EZR: variants seen among roughly 807,000 people sequenced by gnomAD.
The protein encoded by EZR is cytovillin 2.
A neutral mutation model predicts 74.8 loss-of-function variants in EZR; 40 were observed. The ratio of observed to expected loss-of-function variants is 0.53; its 90% CI spans 0.42 to 0.70. The LOEUF (loss-of-function observed/expected upper bound fraction) is 0.70. EZR is among the 30% of genes least tolerant of loss of function. EZR has a pLI of 0.00. For synonymous variants in EZR, 341 were observed against 283.3 expected (o/e 1.20, Z -2.05); for missense variants, 678 against 755.8 (o/e 0.90, Z 1.21).
chr6:158,814,322 T>C (rs963072552), intron 2 of EZR, among the ~76,000 whole-genome samples: 2 of 152,116 alleles, frequency 1.3e-5, no homozygotes, highest in African/African-American at 2.4e-5. Context: ...AAGTGTTACT[T>C]CTCAATACAG....
intron 6 of EZR, among the ~76,000 whole-genome samples, chr6:158,784,390 CT>C (rs1791511204): frequency 6.6e-6 from 1 of 152,232 alleles, no homozygotes; most frequent in Non-Finnish European, 1.5e-5. Context: ...AGACACAACA[CT>C]TTCTACAAAG....
intron 10 of EZR, 21 bp downstream of exon 10, chr6:158,770,743 G>A (rs2128565984): frequency 6.2e-7 from 1 of 1,614,030 alleles, no homozygotes; most frequent in Non-Finnish European, 8.5e-7. Flanking sequence ...AGTGTAGAGT[G>A]CCAGCCCCAG....
chr6:158,770,762 A>C lies in EZR; in HGVS notation c.1090+2T>G, dbSNP rs1583555744. 1.2e-6 allele frequency: 2 copies of C among 1,613,674 alleles called. No individual in the cohort carries two copies. Among genetic ancestry groups the C allele is most frequent in the African/African-American group, 1.3e-5 (1 of 74,790 alleles). Reference sequence around the variant, plus strand: ...TAGAGTGCCAGCCCCAGGGCGCCTGACCTCTCTCTGCCTTCTTTGTCTTCT... The same window carrying C: ...TAGAGTGCCAGCCCCAGGGCGCCTGCCCTCTCTCTGCCTTCTTTGTCTTCT... On this transcript the variant is annotated splice_donor_variant, in intron 10 of 13. Coordinates refer to ENST00000367075, the MANE Select transcript of EZR (RefSeq NM_001111077.2). LOFTEE classifies it high-confidence loss of function.
At chr6:158,811,187 G>C (rs1777443471) in intron 2 of EZR, among the ~76,000 whole-genome samples, 1 of 152,180 alleles carries the variant, frequency 6.6e-6, no homozygotes, top group African/African-American at 2.4e-5. Context: ...GCAAACTTTG[G>C]TCTTTTCAAC....
At chr6:158,777,022 C>A (rs1037773719) in intron 7 of EZR, among the ~76,000 whole-genome samples, 1 of 152,210 alleles carries the variant, frequency 6.6e-6, no homozygotes, top group Non-Finnish European at 1.5e-5. Flanking sequence ...CCAAACTCCA[C>A]GGTTCAGACC....
intron 2 of EZR, among the ~76,000 whole-genome samples, chr6:158,801,451 CATCT>C (rs1167518850): frequency 1.3e-5 from 2 of 152,176 alleles, no homozygotes; most frequent in Non-Finnish European, 2.9e-5. Context: ...AAAGGCCAGC[CATCT>C]ATCTAAGCTC....
chr6:158,786,657 C>CA (rs5881287), intron 4 of EZR, among the ~76,000 whole-genome samples: 74,141 of 144,530 alleles, frequency 0.51, 19,277 homozygotes, highest in Non-Finnish European at 0.6. Flanking sequence ...GTGGGGGTTT[C>CA]AAAAAAAAAA....
chr6:158,810,166 T>A (rs141173719), intron 2 of EZR, among the ~76,000 whole-genome samples: 3,942 of 152,304 alleles, frequency 0.026, 65 homozygotes, highest in South Asian at 0.057. Context: ...TGGTGAGATA[T>A]TTTTTATTTT....
intron 8 of EZR, among the ~76,000 whole-genome samples, chr6:158,774,305 C>T (rs1583559158): frequency 6.6e-6 from 1 of 152,328 alleles, no homozygotes; most frequent in Admixed American, 6.5e-5. Flanking sequence ...GCTGCCTCCT[C>T]AGTGTGGCTC....
rs745345368 is a variant in EZR at position 158,818,139 on chromosome 6, C to T, written c.-46G>A. ...CCTCGATCCCCGAAAACACGACTAT[C>T]CAGCAGCAGCGAAGACGCTGTCCCA... On this transcript the variant is annotated 5_prime_UTR_variant, in exon 2 of 14. Transcript: ENST00000367075. 1 of 1,604,114 alleles carries T rather than the reference C, an allele frequency of 6.2e-7. No individual in the cohort carries two copies. Among genetic ancestry groups the T allele is most frequent in the Non-Finnish European group, 8.5e-7 (1 of 1,173,470 alleles).
At chr6:158,779,470 C>T (rs142670017) in intron 7 of EZR, among the ~76,000 whole-genome samples, 74 of 152,162 alleles carry the variant, frequency 4.9e-4, no homozygotes, top group African/African-American at 1.3e-3. Flanking sequence ...ATTTGGACTA[C>T]GGTTACATAA....
intron 2 of EZR, among the ~76,000 whole-genome samples, chr6:158,798,393 T>G (rs894721857): frequency 2.6e-5 from 4 of 152,252 alleles, no homozygotes; most frequent in African/African-American, 9.6e-5. Context: ...TTTACTGTTT[T>G]TAAGTTCTAA....
At chr6:158,811,185 T>G (rs984538851) in intron 2 of EZR, among the ~76,000 whole-genome samples, 1 of 152,240 alleles carries the variant, frequency 6.6e-6, no homozygotes, top group Non-Finnish European at 1.5e-5. Flanking sequence ...ATGCAAACTT[T>G]GGTCTTTTCA....
chr6:158,805,600 T>C (rs936574083), intron 2 of EZR, among the ~76,000 whole-genome samples: 1 of 152,144 alleles, frequency 6.6e-6, no homozygotes, highest in African/African-American at 2.4e-5. Flanking sequence ...TAGCTTCTTT[T>C]AAAAAATCCA....
Position 158,769,871 on chromosome 6 carries a change from G to A in EZR, c.1164C>T (p.Arg388=), listed in dbSNP as rs765300613. 8.1e-6 allele frequency: 13 copies of A among 1,613,762 alleles called. No homozygotes were observed. The highest frequency in any genetic ancestry group is 5.0e-5 in the Admixed American group (3 of 60,008). Residue 388 remains arginine, a synonymous_variant, in exon 11 of 14, where the codon CGC becomes CGT. Coordinates refer to ENST00000367075, the MANE Select transcript of EZR (RefSeq NM_001111077.2). ...GTGCAGCCATACGGTCAGCCTCTAG[G>A]CGCTCGGCCTCCTCCTGTGCCCGCT... ...ERKRAQEEAE[R]LEADRMAALR... is the part of the protein sequence containing the mutation.
At chr6:158,812,813 C>G (rs2128577271) in intron 2 of EZR, among the ~76,000 whole-genome samples, 1 of 152,142 alleles carries the variant, frequency 6.6e-6, no homozygotes, top group East Asian at 1.9e-4. Context: ...TTGCGCAAGC[C>G]AGAAACGAGA....
At position 158,814,389 on chromosome 6, in the gene EZR, G is replaced by GCATCACGCA. The variant is rs1278589733; in HGVS notation, c.12+3692_12+3693insTGCGTGATG. Among the ~76,000 whole-genome samples the GCATCACGCA allele has an allele frequency of 8.8e-5, 5 of 56,530 alleles. No individual in the cohort carries two copies. The South Asian group carries it at 1.3e-3, about 15-fold the overall frequency. 37.1% of individuals were successfully genotyped at this position (56,530 alleles called of 152,430 possible). A position where few individuals can be genotyped will look rare whatever the true frequency, so the allele number is the denominator to read the frequency against. On this transcript the variant is annotated intron_variant, in intron 2 of 13. Transcript: ENST00000367075. ...TTCCCCATCAGATTTTCCTCTCGAC[G>GCATCACGCA]TTACCTAGGCTCTTTCCCAGTCTGA...
intron 12 of EZR, 35 bp from the exon 13 acceptor site, chr6:158,767,547 C>G: frequency 6.5e-7 from 1 of 1,541,112 alleles, no homozygotes; most frequent in Non-Finnish European, 8.7e-7. Flanking sequence ...GACTTCTCAC[C>G]CAGAAGTCCT....
intron 2 of EZR, among the ~76,000 whole-genome samples, chr6:158,814,311 G>T (rs7761544): frequency 0.41 from 61,951 of 151,872 alleles, 13,283 homozygotes; most frequent in Non-Finnish European, 0.49. Context: ...AGATTCAGCT[G>T]AAGTGTTACT....
Sources: gnomAD v4.1 joint callset for allele counts (sites outside exome capture counted in the v4.1 genomes callset) on GRCh38, gnomAD v4.1.1 for gene constraint, MANE v1.5 for transcripts, NCBI Gene and HGNC (gene_info 2026-07-23, HGNC 2026-07-21) for gene names.